Variants in RNF130 observed in about 807,000 individuals in gnomAD.
The protein encoded by RNF130 is ring finger protein 130.
Under a neutral mutation model 44.6 loss-of-function variants are expected in RNF130, and 21 were observed. The observed-to-expected ratio is 0.47, with a 90% CI of 0.33 to 0.68. RNF130 has a LOEUF of 0.68. Ranked by LOEUF, RNF130 falls within the 30% of genes least tolerant of loss-of-function variation. The pLI, the probability that RNF130 is intolerant of heterozygous loss-of-function variation, is 0.02. For missense variants in RNF130, 479 were observed against 560.6 expected (o/e 0.85, Z 1.47); for synonymous variants, 214 against 210.4 (o/e 1.02, Z -0.15).
At chr5:179,923,651 T>TCTGTACCTCACTTCCCTTTC (rs1361066039) in intron 7 of RNF130, among the ~76,000 whole-genome samples, 2 of 152,192 alleles carry the variant, frequency 1.3e-5, no homozygotes, top group South Asian at 2.1e-4. Flanking sequence ...TCCAGCTGGT[T>TCTGTACCTCACTTCCCTTTC]CTGTACCTCA....
chr5:179,916,942 A>C (rs1201668856), exon 8 of RNF130: 4 of 152,870 alleles, frequency 2.6e-5, no homozygotes, highest in South Asian at 4.1e-4. Flanking sequence ...CTGTAATCCC[A>C]GCACTTTGGG....
chr5:179,943,285 T>C (rs1761990952), intron 7 of RNF130, among the ~76,000 whole-genome samples: 2 of 152,150 alleles, frequency 1.3e-5, no homozygotes, highest in Non-Finnish European at 2.9e-5. Context: ...AGGGATTTTG[T>C]TGGGGAATGT....
chr5:179,928,566 G>GA (rs1281741302), intron 7 of RNF130, among the ~76,000 whole-genome samples: 4 of 151,518 alleles, frequency 2.6e-5, no homozygotes, highest in African/African-American at 9.7e-5. Flanking sequence ...TTGTGACTGT[G>GA]AGTCCTTTGT....
chr5:180,027,717 C>T (rs949856758), intron 2 of RNF130, among the ~76,000 whole-genome samples: 4 of 152,214 alleles, frequency 2.6e-5, no homozygotes, highest in African/African-American at 9.7e-5. Context: ...ACCTGTGGGG[C>T]TTCTGTTGCC....
At chr5:180,065,448 G>A (rs533993513) in intron 1 of RNF130, among the ~76,000 whole-genome samples, 1 of 152,114 alleles carries the variant, frequency 6.6e-6, no homozygotes, top group South Asian at 2.1e-4. Flanking sequence ...TTGGGAAGCT[G>A]TACAAAGAAG....
At chr5:180,014,322 A>T (rs1319736649) in intron 2 of RNF130, among the ~76,000 whole-genome samples, 1 of 152,204 alleles carries the variant, frequency 6.6e-6, no homozygotes, top group Non-Finnish European at 1.5e-5. Flanking sequence ...GGAAACAGAG[A>T]AACTTCTATC....
At chr5:180,048,153 G>C (rs1263835502) in intron 1 of RNF130, among the ~76,000 whole-genome samples, 1 of 152,170 alleles carries the variant, frequency 6.6e-6, no homozygotes, top group Non-Finnish European at 1.5e-5. Flanking sequence ...AATCGGGAGA[G>C]GAAAGTGGAA....
downstream of RNF130, chr5:179,955,042 G>A (rs1245411085): frequency 6.6e-6 from 1 of 152,178 alleles, no homozygotes; most frequent in East Asian, 1.9e-4. Flanking sequence ...GATGTGGTTT[G>A]GAAAATCATT....
chr5:179,918,857 C>A (rs1761588108), exon 8 of RNF130: 1 of 152,238 alleles, frequency 6.6e-6, no homozygotes, highest in Non-Finnish European at 1.5e-5. Flanking sequence ...TTCAGGCACA[C>A]CTGTGTCTGA....
At chr5:179,953,386 A>C (rs1762155674), downstream of RNF130, among the ~76,000 whole-genome samples, 1 of 152,200 alleles carries the variant, frequency 6.6e-6, no homozygotes, top group African/African-American at 2.4e-5. Context: ...CAAACCTGGA[A>C]AAGAACAAAG....
At chr5:179,967,568 C>A (rs1161790329) in intron 6 of RNF130, among the ~76,000 whole-genome samples, 1 of 152,192 alleles carries the variant, frequency 6.6e-6, no homozygotes, top group Admixed American at 6.5e-5. Context: ...AGCACCTAAT[C>A]CTGAGGGAGA....
At chr5:179,929,841 A>G (rs1761779905) in intron 7 of RNF130, among the ~76,000 whole-genome samples, 1 of 152,046 alleles carries the variant, frequency 6.6e-6, no homozygotes, top group Non-Finnish European at 1.5e-5. Flanking sequence ...GTAAGTCTAT[A>G]AGTCACTTTG....
At chr5:180,068,445 CA>C (rs1477388370) in intron 1 of RNF130, among the ~76,000 whole-genome samples, 3 of 152,210 alleles carry the variant, frequency 2.0e-5, no homozygotes, top group Non-Finnish European at 4.4e-5. Context: ...ATTCTACACC[CA>C]CCAATGCATT....
At chr5:180,044,811 G>A (rs1362785087) in intron 1 of RNF130, among the ~76,000 whole-genome samples, 3 of 151,738 alleles carry the variant, frequency 2.0e-5, no homozygotes, top group South Asian at 2.1e-4. Context: ...CAGCCTGGGC[G>A]ACGGAAGTAG....
intron 1 of RNF130, among the ~76,000 whole-genome samples, chr5:180,048,478 TTAAAAA>T (rs1235438625): frequency 6.6e-6 from 1 of 152,044 alleles, no homozygotes; most frequent in Non-Finnish European, 1.5e-5. Context: ...CTTAGATTGA[TTAAAAA>T]TAATGAGGCC....
At chr5:179,954,307 C>G (rs1762168539), downstream of RNF130, among the ~76,000 whole-genome samples, 1 of 152,162 alleles carries the variant, frequency 6.6e-6, no homozygotes, top group Admixed American at 6.5e-5. Flanking sequence ...ATGTTCACAG[C>G]AACATTCATA....
chr5:180,016,886 A>C (rs1763748425), intron 2 of RNF130, among the ~76,000 whole-genome samples: 1 of 152,228 alleles, frequency 6.6e-6, no homozygotes. Context: ...AAATACTTCC[A>C]CGGTCCCTCC....
intron 4 of RNF130, among the ~76,000 whole-genome samples, chr5:179,979,793 C>A (rs113929250): frequency 6.6e-6 from 1 of 152,270 alleles, no homozygotes; most frequent in East Asian, 1.9e-4. Flanking sequence ...AGGTCTTCAA[C>A]TCTCCATGTA....
At position 179,972,973 on chromosome 5, in the gene RNF130, A is replaced by G. The variant is rs1047603458; in HGVS notation, c.849-2467T>C. On this transcript the variant is annotated intron_variant, in intron 5 of 8. Coordinates refer to ENST00000521389, the MANE Select transcript of RNF130 (RefSeq NM_018434.6). The stretch of plus-strand genomic sequence containing the variant: ...CTAGGCTGTGGGGTACTATGAAGAA[A>G]AACAAAAAAGACCAACTGGTTCTCT... 2.6e-5 allele frequency among the ~76,000 whole-genome samples: 4 copies of G among 152,260 alleles called. No individual in the cohort carries two copies. The South Asian group carries it at 8.3e-4, about 32-fold the overall frequency.
Sources: gnomAD v4.1 joint callset for allele counts (sites outside exome capture counted in the v4.1 genomes callset) on GRCh38, gnomAD v4.1.1 for gene constraint, MANE v1.5 for transcripts, NCBI Gene and HGNC (gene_info 2026-07-23, HGNC 2026-07-21) for gene names.